Variants in CDH23 observed in about 807,000 individuals in gnomAD.
CDH23 encodes the protein cadherin related 23.
CDH23 carries 189 observed loss-of-function variants against 317.1 expected under a neutral mutation model. The observed-to-expected ratio is 0.60, with a 90% confidence interval of 0.53 to 0.67. CDH23 has a LOEUF of 0.67. Ranked by LOEUF, CDH23 falls within the 30% of genes least tolerant of loss-of-function variation. The pLI, the probability that CDH23 is intolerant of heterozygous loss-of-function variation, is 0.00. For missense variants in CDH23, 4,401 were observed against 4,592.4 expected (o/e 0.96, Z 1.20); for synonymous variants, 1,839 against 1,876.8 (o/e 0.98, Z 0.52).
chr10:71,635,193 T>G (rs1353981725), intron 11 of CDH23: 2 of 152,664 alleles, frequency 1.3e-5, no homozygotes, highest in African/African-American at 2.4e-5. Flanking sequence ...TGCCCCTCAT[T>G]TGCCTTAATG....
chr10:71,450,108 G>A (rs181890144), intron 3 of CDH23, among the ~76,000 whole-genome samples: 24 of 152,298 alleles, frequency 1.6e-4, no homozygotes, highest in South Asian at 6.2e-4. Flanking sequence ...GTGGAGTGGC[G>A]TGAGGGCAGA....
intron 6 of CDH23, among the ~76,000 whole-genome samples, chr10:71,541,251 A>G (rs1471397110): frequency 1.3e-5 from 2 of 152,130 alleles, no homozygotes; most frequent in African/African-American, 2.4e-5. Flanking sequence ...GGGTGGATAA[A>G]TAGCTGTGCT....
intron 6 of CDH23, among the ~76,000 whole-genome samples, chr10:71,538,376 T>C (rs971948783): frequency 2.6e-5 from 4 of 152,042 alleles, no homozygotes; most frequent in Admixed American, 6.6e-5. Context: ...TTCCAGAGGA[T>C]CAACTATCAG....
chr10:71,754,869 A>T lies in CDH23; in HGVS notation c.4845+12948A>T, dbSNP rs184576224. Among the ~76,000 whole-genome samples, 17 of 152,336 alleles carry T rather than the reference A, an allele frequency of 1.1e-4. No individual in the cohort carries two copies. In the East Asian group the frequency reaches 3.3e-3, roughly 29 times the overall value. ...TAAGTTACGTAACATTCAGTCAGTT[A>T]TGTAACCCCACTGATCTTAGCCTTC... On this transcript the variant is annotated intron_variant, in intron 38 of 69. Coordinates refer to ENST00000224721, the MANE Select transcript of CDH23 (RefSeq NM_022124.6).
chr10:71,752,871 C>G, intron 38 of CDH23: 1 of 1,357,960 alleles, frequency 7.4e-7, no homozygotes, highest in Non-Finnish European at 1.0e-6. Flanking sequence ...GCTCTTCTGA[C>G]CAGCTGCTCT....
chr10:71,631,176 TA>T (rs1314423293), intron 11 of CDH23, among the ~76,000 whole-genome samples: 2 of 152,106 alleles, frequency 1.3e-5, no homozygotes, highest in African/African-American at 4.8e-5. Context: ...CCCGGAGATT[TA>T]GGCTGCAGTG....
intron 30 of CDH23, among the ~76,000 whole-genome samples, chr10:71,726,399 G>T (rs1866813324): frequency 2.6e-5 from 4 of 152,098 alleles, no homozygotes; most frequent in Admixed American, 2.6e-4. Flanking sequence ...TGGTCACCGG[G>T]TACTCACGAT....
At chr10:71,784,471 G>A in intron 42 of CDH23, 51 bp downstream of exon 42, 1 of 1,583,776 alleles carries the variant, frequency 6.3e-7, no homozygotes, top group Non-Finnish European at 8.6e-7. Context: ...CCCTGTACTT[G>A]CCACAGAGAT....
At chr10:71,665,958 G>A (rs375281440) in intron 14 of CDH23, among the ~76,000 whole-genome samples, 5 of 152,254 alleles carry the variant, frequency 3.3e-5, no homozygotes, top group African/African-American at 1.2e-4. Context: ...TGGAAAGACT[G>A]ATTGAGAGAT....
intron 22 of CDH23, among the ~76,000 whole-genome samples, chr10:71,697,978 T>G (rs10823827): frequency 0.59 from 89,794 of 152,038 alleles, 26,891 homozygotes; most frequent in Non-Finnish European, 0.66. Context: ...AGTTCAAAGA[T>G]AAAAGGGCAA....
At chr10:71,621,369 G>C (rs372038671) in intron 11 of CDH23, among the ~76,000 whole-genome samples, 7 of 152,282 alleles carry the variant, frequency 4.6e-5, no homozygotes, top group Non-Finnish European at 1.5e-5. Flanking sequence ...ACATGCCCAC[G>C]ATTAGTGTGA....
intron 34 of CDH23, chr10:71,737,627 CT>C: frequency 2.2e-6 from 1 of 461,012 alleles, no homozygotes; most frequent in South Asian, 1.6e-5. Context: ...AGAATGGGGT[CT>C]GGCCTGGGGC....
chr10:71,465,009 A>G (rs1301361364), intron 3 of CDH23, among the ~76,000 whole-genome samples: 1 of 152,224 alleles, frequency 6.6e-6, no homozygotes, highest in African/African-American at 2.4e-5. Flanking sequence ...CAGTGATTCT[A>G]TCTCCACTTA....
At chr10:71,420,075 G>A (rs1362506616) in intron 1 of CDH23, among the ~76,000 whole-genome samples, 1 of 152,170 alleles carries the variant, frequency 6.6e-6, no homozygotes, top group East Asian at 1.9e-4. Flanking sequence ...AAAAGGCGGG[G>A]GTTGACTGTG....
At chr10:71,783,513 G>A (rs1472198009) in intron 41 of CDH23, among the ~76,000 whole-genome samples, 1 of 152,220 alleles carries the variant, frequency 6.6e-6, no homozygotes, top group East Asian at 1.9e-4. Flanking sequence ...AAGGACACAA[G>A]GGACTGGACG....
chr10:71,772,630 C>A (rs1233239089), intron 38 of CDH23, among the ~76,000 whole-genome samples: 1 of 152,190 alleles, frequency 6.6e-6, no homozygotes, highest in East Asian at 1.9e-4. Flanking sequence ...GAAACTGAGG[C>A]CAGAGAGATG....
At chr10:71,497,527 C>A (rs961873197) in intron 3 of CDH23, among the ~76,000 whole-genome samples, 1 of 152,104 alleles carries the variant, frequency 6.6e-6, no homozygotes, top group Non-Finnish European at 1.5e-5. Context: ...TCCAGTCTGC[C>A]ATGGACCCTG....
intron 22 of CDH23, among the ~76,000 whole-genome samples, chr10:71,698,196 C>T (rs1024144906): frequency 1.1e-4 from 16 of 152,054 alleles, no homozygotes; most frequent in Non-Finnish European, 2.9e-5. Flanking sequence ...AATCAAGAAG[C>T]TTATATGTTA....
intron 62 of CDH23, 91 bp downstream of exon 62, chr10:71,810,660 C>G: frequency 8.8e-7 from 1 of 1,140,564 alleles, no homozygotes; most frequent in South Asian, 1.3e-5. Context: ...AAAGGAGACA[C>G]AGACCACACC....
Sources: allele counts gnomAD v4.1 joint callset (sites outside exome capture counted in the v4.1 genomes callset), GRCh38; gene constraint gnomAD v4.1.1; transcripts MANE v1.5; gene names NCBI Gene and HGNC (gene_info 2026-07-23, HGNC 2026-07-21).